Variants in PLXDC2 observed in about 807,000 individuals in gnomAD.
The protein encoded by PLXDC2 is plexin domain-containing protein 2.
A neutral mutation model predicts 68.9 loss-of-function variants in PLXDC2; 40 were observed. That is an observed-to-expected ratio of 0.58 (90% CI 0.45 to 0.76). The LOEUF (loss-of-function observed/expected upper bound fraction) is 0.76. PLXDC2 is among the 30% of genes least tolerant of loss of function. The pLI, the probability that PLXDC2 is intolerant of heterozygous loss-of-function variation, is 0.00. For synonymous variants in PLXDC2, 243 were observed against 234.2 expected, an observed-to-expected ratio of 1.04 and a Z score of -0.34; for missense variants, 644 against 661.9, an observed-to-expected ratio of 0.97 and a Z score of 0.30.
chr10:20,148,519 A>G (rs1378864226), intron 6 of PLXDC2, among the ~76,000 whole-genome samples: 4 of 152,204 alleles, frequency 2.6e-5, no homozygotes, highest in Admixed American at 6.5e-5. Context: ...ATGAAAATTT[A>G]CTAAATTGTA....
intron 1 of PLXDC2, among the ~76,000 whole-genome samples, chr10:19,989,043 A>G (rs907875340): frequency 1.1e-4 from 16 of 151,886 alleles, no homozygotes; most frequent in African/African-American, 3.9e-4. Context: ...CAGGTGATCC[A>G]CCAGGCTTGG....
intron 1 of PLXDC2, among the ~76,000 whole-genome samples, chr10:19,820,818 C>T (rs1348478128): frequency 1.3e-5 from 2 of 152,136 alleles, no homozygotes; most frequent in African/African-American, 4.8e-5. Context: ...CAGCTCATGC[C>T]TGTAATCCCA....
At chr10:19,828,967 C>G (rs1169820629) in intron 1 of PLXDC2, among the ~76,000 whole-genome samples, 1 of 152,132 alleles carries the variant, frequency 6.6e-6, no homozygotes, top group Non-Finnish European at 1.5e-5. Flanking sequence ...GCAAATCTGA[C>G]TGTGTCCCTC....
chr10:20,221,865 C>T (rs1271948756), intron 12 of PLXDC2, among the ~76,000 whole-genome samples: 1 of 152,058 alleles, frequency 6.6e-6, no homozygotes, highest in African/African-American at 2.4e-5. Context: ...GTAAATTTCT[C>T]TGTATTGTTG....
intron 1 of PLXDC2, among the ~76,000 whole-genome samples, chr10:19,825,823 T>C (rs1004415927): frequency 6.6e-6 from 1 of 152,198 alleles, no homozygotes; most frequent in Non-Finnish European, 1.5e-5. Context: ...AGACTGTAGC[T>C]ACCGCTGACC....
intron 2 of PLXDC2, among the ~76,000 whole-genome samples, chr10:20,041,762 A>T (rs1182575738): frequency 6.6e-6 from 1 of 152,100 alleles, no homozygotes; most frequent in Non-Finnish European, 1.5e-5. Flanking sequence ...TCTCAAATCA[A>T]AGTGCCAGCT....
At chr10:20,139,673 C>T (rs905252863) in intron 4 of PLXDC2, among the ~76,000 whole-genome samples, 1 of 152,076 alleles carries the variant, frequency 6.6e-6, no homozygotes, top group African/African-American at 2.4e-5. Context: ...ACTATGCAGC[C>T]ATAAAAAAGG....
At chr10:19,837,825 C>T (rs909851517) in intron 1 of PLXDC2, among the ~76,000 whole-genome samples, 2 of 152,022 alleles carry the variant, frequency 1.3e-5, no homozygotes, top group African/African-American at 4.8e-5. Flanking sequence ...AATCAGCAAC[C>T]GAGGCCTGTC....
At chr10:19,939,324 G>A (rs1428433194) in intron 1 of PLXDC2, among the ~76,000 whole-genome samples, 2 of 152,080 alleles carry the variant, frequency 1.3e-5, no homozygotes, top group African/African-American at 4.8e-5. Flanking sequence ...ATTGAGTTGG[G>A]GGAACAGATT....
chr10:19,991,474 C>T (rs1019411165), intron 1 of PLXDC2, among the ~76,000 whole-genome samples: 1 of 151,570 alleles, frequency 6.6e-6, no homozygotes, highest in South Asian at 2.1e-4. Context: ...AAATATTTCA[C>T]CCCTAATACT....
intron 2 of PLXDC2, among the ~76,000 whole-genome samples, chr10:20,044,233 CTTTCTTTCTTT>C (rs1173900086): frequency 8.4e-5 from 7 of 83,584 alleles, no homozygotes; most frequent in African/African-American, 4.1e-4. Flanking sequence ...TTCTTTCTTT[CTTTCTTTCTTT>C]CTTTCTTTCT....
intron 1 of PLXDC2, among the ~76,000 whole-genome samples, chr10:19,868,695 C>A (rs1261263311): frequency 6.6e-6 from 1 of 152,108 alleles, no homozygotes. Flanking sequence ...AAAAAATTTA[C>A]CCTCTGTTTA....
intron 1 of PLXDC2, among the ~76,000 whole-genome samples, chr10:19,855,632 A>G (rs756438102): frequency 1.1e-4 from 16 of 152,186 alleles, no homozygotes; most frequent in South Asian, 6.2e-4. Flanking sequence ...AAATTCTCCA[A>G]TGGACATTTC....
At chr10:20,143,048 C>T (rs1273885320) in intron 4 of PLXDC2, among the ~76,000 whole-genome samples, 3 of 151,938 alleles carry the variant, frequency 2.0e-5, no homozygotes, top group Admixed American at 1.3e-4. Context: ...CACTTTCCCC[C>T]CAATTAAAAT....
intron 3 of PLXDC2, among the ~76,000 whole-genome samples, chr10:20,065,452 G>A (rs1222427437): frequency 6.6e-6 from 1 of 152,138 alleles, no homozygotes; most frequent in Non-Finnish European, 1.5e-5. Flanking sequence ...CAACTATTTT[G>A]GCACCAGGAA....
In PLXDC2 at chr10:19,928,680, A is replaced by G. The variant is rs530569895; in HGVS notation, c.113-73095A>G. Among the ~76,000 whole-genome samples the G allele has an allele frequency of 8.6e-4, 131 of 151,672 alleles. 4 individuals carry two copies. The South Asian group carries it at 0.027, about 32-fold the overall frequency. On this transcript the variant is annotated intron_variant, in intron 1 of 13. Transcript: ENST00000377252. ...AGAAAGGAGAGTAGACTGGAGTTTC[A>G]CTAATTTTATCGTAGAGATCTTGTC... is the stretch of plus-strand genomic sequence containing the variant.
At chr10:19,957,289 G>T (rs1328600939) in intron 1 of PLXDC2, among the ~76,000 whole-genome samples, 1 of 152,000 alleles carries the variant, frequency 6.6e-6, no homozygotes, top group Non-Finnish European at 1.5e-5. Flanking sequence ...GTTCTTTGTT[G>T]ACTCTATAAA....
At chr10:19,884,145 A>C (rs1589518442) in intron 1 of PLXDC2, among the ~76,000 whole-genome samples, 3 of 150,666 alleles carry the variant, frequency 2.0e-5, no homozygotes, top group African/African-American at 7.3e-5. Context: ...GATCCACCCA[A>C]CTCAGCCTCC....
chr10:19,844,340 CTAAG>C (rs1006974657), intron 1 of PLXDC2, among the ~76,000 whole-genome samples: 2 of 152,106 alleles, frequency 1.3e-5, no homozygotes, highest in African/African-American at 4.8e-5. Flanking sequence ...GTCAAAATGA[CTAAG>C]TAACCAAAAA....
Sources: gnomAD v4.1 joint callset for allele counts (sites outside exome capture counted in the v4.1 genomes callset) on GRCh38, gnomAD v4.1.1 for gene constraint, MANE v1.5 for transcripts, NCBI Gene and HGNC (gene_info 2026-07-23, HGNC 2026-07-21) for gene names.